ZNF385D: variants seen among roughly 807,000 people sequenced by gnomAD.
ZNF385D encodes zinc finger protein 659.
In ZNF385D, 15 loss-of-function variants were observed where a neutral mutation model predicts 35.8. That is an observed-to-expected ratio of 0.42 (90% CI 0.28 to 0.64). The LOEUF is 0.64. ZNF385D is among the 30% of genes least tolerant of loss of function. ZNF385D has a pLI of 0.23. For synonymous variants in ZNF385D, 212 were observed against 186.8 expected, an observed-to-expected ratio of 1.13 and a Z score of -1.10; for missense variants, 474 against 494.6, an observed-to-expected ratio of 0.96 and a Z score of 0.39.
intron 3 of ZNF385D, among the ~76,000 whole-genome samples, chr3:22,112,075 G>A (rs1399925660): frequency 6.6e-6 from 1 of 152,120 alleles, no homozygotes; most frequent in African/African-American, 2.4e-5. Flanking sequence ...CTTGAGCACT[G>A]ATAAAGAGCA....
intron 2 of ZNF385D, among the ~76,000 whole-genome samples, chr3:21,582,372 G>C (rs2063692225): frequency 2.0e-5 from 3 of 152,122 alleles, no homozygotes. Flanking sequence ...CTATTAAAAA[G>C]TATCTCCAAC....
chr3:21,865,763 C>A (rs1291303), intron 3 of ZNF385D, among the ~76,000 whole-genome samples: 1 of 151,932 alleles, frequency 6.6e-6, no homozygotes, highest in Non-Finnish European at 1.5e-5. Context: ...GAAATACCAA[C>A]ATACCTGAAA....
intron 3 of ZNF385D, among the ~76,000 whole-genome samples, chr3:22,024,716 GC>G (rs1307133645): frequency 6.6e-6 from 1 of 152,096 alleles, no homozygotes; most frequent in East Asian, 1.9e-4. Flanking sequence ...CTTGTGAGAG[GC>G]AAGGAGTTTA....
At chr3:22,336,786 G>T (rs9870464) in intron 2 of ZNF385D, among the ~76,000 whole-genome samples, 1 of 151,062 alleles carries the variant, frequency 6.6e-6, no homozygotes, top group East Asian at 1.9e-4. Context: ...TCTTAAAACA[G>T]TAAGTTTTAA....
At chr3:22,179,244 ATCC>A (rs914930541) in intron 2 of ZNF385D, among the ~76,000 whole-genome samples, 4 of 149,204 alleles carry the variant, frequency 2.7e-5, no homozygotes, top group Admixed American at 2.0e-4. Flanking sequence ...ATTTGTTTGT[ATCC>A]TCTTTTATTT....
chr3:21,679,788 T>C (rs756575033), intron 1 of ZNF385D, among the ~76,000 whole-genome samples: 22 of 152,082 alleles, frequency 1.4e-4, no homozygotes, highest in Non-Finnish European at 3.1e-4. Context: ...ACTTACTTGA[T>C]TGACCTCGAT....
intron 1 of ZNF385D, among the ~76,000 whole-genome samples, chr3:21,681,698 G>GAAAAAAAAAAAAAAAA (rs5847124): frequency 7.5e-6 from 1 of 133,220 alleles, no homozygotes; most frequent in African/African-American, 2.8e-5. Context: ...AAAAAAAAAC[G>GAAAAAAAAAAAAAAAA]AAAAAAAAAA....
intron 4 of ZNF385D, among the ~76,000 whole-genome samples, chr3:21,487,818 C>T (rs1705147223): frequency 6.6e-6 from 1 of 152,068 alleles, no homozygotes; most frequent in South Asian, 2.1e-4. Context: ...TATCTTTATT[C>T]ACAACATGAA....
At chr3:22,005,548 C>A (rs1696149161) in intron 3 of ZNF385D, among the ~76,000 whole-genome samples, 1 of 151,952 alleles carries the variant, frequency 6.6e-6, no homozygotes. Context: ...CCTAAATACC[C>A]TGATTTGACC....
intron 3 of ZNF385D, among the ~76,000 whole-genome samples, chr3:21,555,329 C>A (rs2062696393): frequency 1.3e-5 from 2 of 151,622 alleles, no homozygotes; most frequent in Admixed American, 1.3e-4. Context: ...AACCTGTCAT[C>A]TACATTAGGT....
chr3:22,270,603 T>G (rs1170670680), intron 2 of ZNF385D, among the ~76,000 whole-genome samples: 1 of 151,988 alleles, frequency 6.6e-6, no homozygotes, highest in Non-Finnish European at 1.5e-5. Context: ...ATTTAAACAT[T>G]CTGTTGCTAT....
intron 1 of ZNF385D, among the ~76,000 whole-genome samples, chr3:21,743,774 C>T (rs192575617): frequency 5.0e-4 from 76 of 152,310 alleles, no homozygotes; most frequent in African/African-American, 1.8e-3. Context: ...GGGACACAAA[C>T]ATTCAGTCCA....
rs1458552342 is a variant in ZNF385D at position 21,461,009 on chromosome 3, CTT to C, written c.440-23808_440-23807del. Reference sequence around the variant, plus strand: ...ATCAGAGCGGAATCTATTTTTGACTCTTTTTAAAATGTGGAAACAAAAATTGA... The same window carrying C: ...ATCAGAGCGGAATCTATTTTTGACTCTTTAAAATGTGGAAACAAAAATTGA... On this transcript the variant is annotated intron_variant, in intron 4 of 7. Coordinates refer to ENST00000281523, the MANE Select transcript of ZNF385D (RefSeq NM_024697.3). Among the ~76,000 whole-genome samples the C allele has an allele frequency of 2.6e-5, 4 of 152,144 alleles. No individual in the cohort carries two copies. The East Asian group carries it at 5.8e-4, about 22-fold the overall frequency.
At chr3:21,602,703 T>C (rs2064349344) in intron 2 of ZNF385D, among the ~76,000 whole-genome samples, 1 of 149,208 alleles carries the variant, frequency 6.7e-6, no homozygotes. Flanking sequence ...CGGCTAATTT[T>C]TTTGTATTTT....
At chr3:22,186,802 T>G (rs1180615864) in intron 2 of ZNF385D, among the ~76,000 whole-genome samples, 1 of 152,162 alleles carries the variant, frequency 6.6e-6, no homozygotes, top group African/African-American at 2.4e-5. Context: ...AATACCGTAT[T>G]TGAGATTGCT....
At chr3:22,097,863 C>T (rs761624259) in intron 3 of ZNF385D, among the ~76,000 whole-genome samples, 4 of 151,988 alleles carry the variant, frequency 2.6e-5, no homozygotes, top group South Asian at 2.1e-4. Flanking sequence ...GGAGTCTTTA[C>T]GGCCTTGACA....
rs562790705 is a variant in ZNF385D, at chr3:21,430,948, TTTTTA to T, written c.674-5283_674-5279del. 19 of 152,334 alleles carry T rather than the reference TTTTTA, an allele frequency of 1.2e-4. No homozygotes were observed. In the East Asian group the frequency reaches 1.9e-3, roughly 15 times the overall value. 9.4% of individuals were successfully genotyped at this position (152,334 alleles called of 1,614,324 possible). ...TGCATTTTGTGTAAACTAGTTTTATTTTTTATTTTGTTAATGAAAGCAACAGATGT... is the reference window on the plus strand; with the variant it reads ...TGCATTTTGTGTAAACTAGTTTTATTTTTTGTTAATGAAAGCAACAGATGT... On this transcript the variant is annotated intron_variant, in intron 5 of 7. Coordinates refer to ENST00000281523, the MANE Select transcript of ZNF385D (RefSeq NM_024697.3).
At chr3:22,144,770 TATAAA>T (rs1704742794) in intron 3 of ZNF385D, among the ~76,000 whole-genome samples, 2 of 152,028 alleles carry the variant, frequency 1.3e-5, no homozygotes, top group African/African-American at 2.4e-5. Context: ...TCACAACAAT[TATAAA>T]ATAAAATACA....
chr3:21,751,033 A>T lies in ZNF385D; in HGVS notation c.-117T>A, dbSNP rs1009706900. 30 of 1,583,694 alleles carry T rather than the reference A, an allele frequency of 1.9e-5. No homozygotes were observed. The highest frequency in any genetic ancestry group is 2.6e-5 in the Non-Finnish European group (30 of 1,164,940). Reference sequence around the variant, plus strand: ...CGGTGGAAATGTCCCCGGCGTGGAGAGCAGTGAGCGCCGAGAGCGTGCCTC... The same window carrying T: ...CGGTGGAAATGTCCCCGGCGTGGAGTGCAGTGAGCGCCGAGAGCGTGCCTC... On this transcript the variant is annotated 5_prime_UTR_variant, in exon 1 of 8. Transcript: ENST00000281523.
Sources: allele counts gnomAD v4.1 joint callset (sites outside exome capture counted in the v4.1 genomes callset), GRCh38; gene constraint gnomAD v4.1.1; transcripts MANE v1.5; gene names NCBI Gene and HGNC (gene_info 2026-07-23, HGNC 2026-07-21).